VPS13C: variants seen among roughly 807,000 people sequenced by gnomAD.
The protein encoded by VPS13C is intermembrane lipid transfer protein VPS13C.
VPS13C carries 358 observed loss-of-function variants against 456.8 expected under a neutral mutation model. The observed-to-expected ratio is 0.78, with a 90% CI of 0.72 to 0.86. The LOEUF (loss-of-function observed/expected upper bound fraction) is 0.86, where lower values mean the gene tolerates loss of function less well. VPS13C is among the 40% of genes least tolerant of loss of function. The pLI, the probability that VPS13C is intolerant of heterozygous loss-of-function variation, is 0.00. For missense variants in VPS13C, 4,818 were observed against 4,385.4 expected, an observed-to-expected ratio of 1.10 and a Z score of -2.79; for synonymous variants, 1,578 against 1,486.7, an observed-to-expected ratio of 1.06 and a Z score of -1.41.
At chr15:62,006,050 G>A (rs1026019891) in intron 15 of VPS13C, among the ~76,000 whole-genome samples, 28 of 151,218 alleles carry the variant, frequency 1.9e-4, no homozygotes, top group Non-Finnish European at 3.2e-4. Context: ...CTTCTTTCCC[G>A]AGAAGTAAAA....
chr15:61,951,943 C>T lies in VPS13C; in HGVS notation c.4337G>A (p.Gly1446Glu), dbSNP rs2044811548. The change falls in exon 39 of 85, where the codon GGA becomes GAA. Residue 1446 changes from glycine (G) to glutamate (E), a missense_variant. Gly to Glu is a moderately conservative substitution (Grantham distance 98). Coordinates refer to ENST00000644861, the MANE Select transcript of VPS13C (RefSeq NM_020821.3). ...VTLMKKSEKK[G>E]RPLHELNVLQ... ...GACATTTAGCTCATGTAAAGGCCTTCCTTTCTTTTCTGATTTTTTCATCAA... is the reference window on the plus strand; with the variant it reads ...GACATTTAGCTCATGTAAAGGCCTTTCTTTCTTTTCTGATTTTTTCATCAA... 1.9e-6 allele frequency: 3 copies of T among 1,613,150 alleles called. No individual in the cohort carries two copies. Among genetic ancestry groups the T allele is most frequent in the Admixed American group, 1.7e-5 (1 of 59,892 alleles).
chr15:62,057,694 TA>T (rs1466658361), intron 1 of VPS13C, among the ~76,000 whole-genome samples: 2 of 152,210 alleles, frequency 1.3e-5, no homozygotes, highest in Non-Finnish European at 2.9e-5. Flanking sequence ...TACCTTATTC[TA>T]AAAATTTAAA....
At chr15:62,002,857 C>T (rs1293496706) in intron 15 of VPS13C, among the ~76,000 whole-genome samples, 1 of 152,142 alleles carries the variant, frequency 6.6e-6, no homozygotes, top group East Asian at 1.9e-4. Flanking sequence ...TCTGAGGGCT[C>T]TGTTCTGTTC....
intron 15 of VPS13C, among the ~76,000 whole-genome samples, chr15:62,006,675 G>A (rs138745830): frequency 0.019 from 2,871 of 152,208 alleles, 59 homozygotes; most frequent in South Asian, 0.07. Context: ...CTGAGGAATC[G>A]CCACACTGAC....
intron 81 of VPS13C, 45 bp from the exon 82 acceptor site, chr15:61,863,573 A>T: frequency 1.4e-6 from 2 of 1,390,806 alleles, no homozygotes; most frequent in Non-Finnish European, 2.0e-6. Context: ...TATGCATTTA[A>T]GTAGTATTTA....
intron 39 of VPS13C, among the ~76,000 whole-genome samples, chr15:61,951,498 AGAT>A: frequency 6.6e-6 from 1 of 152,278 alleles, no homozygotes; most frequent in Non-Finnish European, 1.5e-5. Context: ...ATGAGACTAC[AGAT>A]GATATTAATT....
At chr15:61,864,005 GT>G (rs368355598) in intron 81 of VPS13C, 3,446 of 151,322 alleles carry the variant, frequency 0.023, 78 homozygotes, top group South Asian at 0.089. Flanking sequence ...TTTTTTGTCA[GT>G]TTTTTTTTAA....
chr15:61,885,404 G>A (rs2140054928), intron 67 of VPS13C, among the ~76,000 whole-genome samples: 1 of 152,200 alleles, frequency 6.6e-6, no homozygotes, highest in Non-Finnish European at 1.5e-5. Context: ...TTTAGTCATA[G>A]TGGTTGAGGG....
At chr15:61,912,360 A>G (rs944873479) in intron 62 of VPS13C, among the ~76,000 whole-genome samples, 2 of 152,236 alleles carry the variant, frequency 1.3e-5, no homozygotes, top group African/African-American at 4.8e-5. Context: ...ATTTTGAAGT[A>G]GTAATAAAAT....
At chr15:61,937,412 C>T (rs908933998) in intron 47 of VPS13C, among the ~76,000 whole-genome samples, 17 of 152,272 alleles carry the variant, frequency 1.1e-4, no homozygotes, top group African/African-American at 4.1e-4. Context: ...AGATCTGTAT[C>T]AACTACCACT....
At chr15:61,995,935 G>T (rs2046369200) in intron 16 of VPS13C, among the ~76,000 whole-genome samples, 1 of 152,118 alleles carries the variant, frequency 6.6e-6, no homozygotes, top group Non-Finnish European at 1.5e-5. Flanking sequence ...CCTGAGCAAG[G>T]GCCTCACCAT....
intron 23 of VPS13C, among the ~76,000 whole-genome samples, chr15:61,977,458 C>T (rs1484711692): frequency 2.0e-5 from 3 of 151,892 alleles, no homozygotes; most frequent in Admixed American, 6.6e-5. Context: ...GTTCACATAA[C>T]ATCTTGCATT....
In VPS13C at chr15:61,963,971, T is replaced by G. The variant is rs756012089; in HGVS notation, c.3215-20A>C. On this transcript the variant is annotated intron_variant, in intron 31 of 84. Transcript: ENST00000644861. Reference sequence around the variant, plus strand: ...CAATCGCTAAAAATAAAACAAAGCATCTGTCACATGGTGAGATTCTAGTCA... The same window carrying G: ...CAATCGCTAAAAATAAAACAAAGCAGCTGTCACATGGTGAGATTCTAGTCA... 1 of 1,475,388 alleles carries G rather than the reference T, an allele frequency of 6.8e-7. No individual in the cohort carries two copies. The highest frequency in any genetic ancestry group is 9.4e-7 in the Non-Finnish European group (1 of 1,058,230). 91.4% of individuals were successfully genotyped at this position (1,475,388 alleles called of 1,614,324 possible).
At chr15:61,872,718 G>A (rs190404816) in intron 78 of VPS13C, among the ~76,000 whole-genome samples, 4 of 151,530 alleles carry the variant, frequency 2.6e-5, no homozygotes, top group Non-Finnish European at 5.9e-5. Context: ...AGATGATTAG[G>A]GTATTCTAGC....
chr15:61,916,919 A>C (rs2043490733), intron 60 of VPS13C, among the ~76,000 whole-genome samples: 1 of 152,182 alleles, frequency 6.6e-6, no homozygotes, highest in South Asian at 2.1e-4. Context: ...AATTTTACTT[A>C]ATTAATAAAC....
intron 78 of VPS13C, among the ~76,000 whole-genome samples, chr15:61,872,917 A>C (rs2140880747): frequency 6.6e-6 from 1 of 152,244 alleles, no homozygotes; most frequent in East Asian, 1.9e-4. Context: ...TCCCTTCCAC[A>C]GAAACAGTCA....
In VPS13C at chr15:61,986,633, G is replaced by A. The variant is rs372743902; in HGVS notation, c.1579-1634C>T. On this transcript the variant is annotated intron_variant, in intron 18 of 84. Transcript: ENST00000644861. ...GATGAAACCTCAAGATGTCCAAACA[G>A]TAAGAAGTCCAAACAGTATAAACAA... Among the ~76,000 whole-genome samples, 75 of 152,212 alleles carry A rather than the reference G, an allele frequency of 4.9e-4. 1 individual carries two copies. The highest frequency in any genetic ancestry group is 1.6e-3 in the African/African-American group (67 of 41,540).
intron 65 of VPS13C, 103 bp from the exon 66 acceptor site, chr15:61,907,493 T>C: frequency 7.0e-7 from 1 of 1,420,564 alleles, no homozygotes; most frequent in Non-Finnish European, 9.4e-7. Flanking sequence ...CCTACGAAAT[T>C]GCTGTGGTTA....
chr15:61,868,094 T>C (rs1894720638), intron 81 of VPS13C: 5 of 621,152 alleles, frequency 8.0e-6, no homozygotes, highest in Non-Finnish European at 5.6e-6. Flanking sequence ...AATACATTTC[T>C]TTTGGGGGAA....
Sources: gnomAD v4.1 joint callset for allele counts (sites outside exome capture counted in the v4.1 genomes callset) on GRCh38, gnomAD v4.1.1 for gene constraint, MANE v1.5 for transcripts, NCBI Gene and HGNC (gene_info 2026-07-23, HGNC 2026-07-21) for gene names.